The following GRN variants were observed in gnomAD, a reference collection of about 807,000 sequenced individuals.
GRN encodes the protein progranulin.
A neutral mutation model predicts 66.7 loss-of-function variants in GRN; 30 were observed. The observed-to-expected ratio is 0.45, with a 90% confidence interval of 0.34 to 0.61. The LOEUF (loss-of-function observed/expected upper bound fraction) is 0.61, where lower values mean the gene tolerates loss of function less well. GRN is among the 20% of genes least tolerant of loss of function. GRN has a pLI of 0.01. For synonymous variants in GRN, 327 were observed against 311.1 expected (o/e 1.05, Z -0.54); for missense variants, 731 against 803.5 (o/e 0.91, Z 1.09).
Position 44,350,534 on chromosome 17 carries a change from C to A in GRN, c.555C>A (p.His185Gln). 6.2e-7 allele frequency: 1 copy of A among 1,613,886 alleles called. No homozygotes were observed. Among genetic ancestry groups the A allele is most frequent in the Non-Finnish European group, 8.5e-7 (1 of 1,179,936 alleles). ...HTRCITPTGT[H>Q]PLAKKLPAQR... ...GCTGCATCACACCCACGGGCACCCACCCCCTGGCAAAGAAGCTCCCTGCCC... is the reference window on the plus strand; with the variant it reads ...GCTGCATCACACCCACGGGCACCCAACCCCTGGCAAAGAAGCTCCCTGCCC... Residue 185 changes from histidine to glutamine, a missense_variant, in exon 6 of 13, where the codon CAC becomes CAA. By Grantham distance (24) the His-to-Gln change is conservative. Coordinates refer to ENST00000053867, the MANE Select transcript of GRN (RefSeq NM_002087.4).
Position 44,349,328 on chromosome 17 carries a change from A to C in GRN, c.138+26A>C, listed in dbSNP as rs756084488. The C allele has an allele frequency of 1.9e-6, 3 of 1,613,860 alleles. No individual in the cohort carries two copies. The African/African-American group carries it at 4.0e-5, about 22-fold the overall frequency. On this transcript the variant is annotated intron_variant, in intron 2 of 12. Transcript: ENST00000053867. ...GTGAGTGCCCCTCAGCCTAGGCAAG[A>C]GCTGGCAGCCTGGGTTTTCCCAAAG...
At chr17:44,349,588 C>G (rs377039586) in intron 3 of GRN, 37 bp downstream of exon 3, 167 of 1,613,612 alleles carry the variant, frequency 1.0e-4, no homozygotes, top group Non-Finnish European at 1.3e-4. Context: ...GGGCTTAGGT[C>G]TGCATTTATG....
chr17:44,347,742 A>G (rs2048335975), intron 1 of GRN, among the ~76,000 whole-genome samples: 1 of 150,810 alleles, frequency 6.6e-6, no homozygotes, highest in Non-Finnish European at 1.5e-5. Context: ...AGCTGAGGTC[A>G]GGAGTTCAAG....
At chr17:44,348,424 T>C (rs1160406607) in intron 1 of GRN, among the ~76,000 whole-genome samples, 1 of 152,196 alleles carries the variant, frequency 6.6e-6, no homozygotes, top group Non-Finnish European at 1.5e-5. Context: ...GGGTTTAGCA[T>C]GCTTGAGGAA....
rs528046339 is a variant in GRN, at chr17:44,352,128, C to T, written c.1293C>T (p.Ala431=). The T allele has an allele frequency of 9.3e-6, 15 of 1,613,860 alleles. 1 individual carries two copies. The East Asian group carries it at 3.3e-4, about 36-fold the overall frequency. ...EIVAGLEKMP[A]RRASLSHPRD... ...TGGCTGGACTGGAGAAGATGCCTGC[C>T]CGCCGGGCTTCCTTATCCCACCCCA... The change falls in exon 11 of 13, where the codon GCC becomes GCT. Residue 431 remains alanine, a synonymous_variant. Coordinates refer to ENST00000053867, the MANE Select transcript of GRN (RefSeq NM_002087.4).
intron 1 of GRN, among the ~76,000 whole-genome samples, chr17:44,347,859 G>A (rs1598361793): frequency 6.6e-6 from 1 of 151,350 alleles, no homozygotes; most frequent in South Asian, 2.1e-4. Context: ...GAACTTGGGA[G>A]GCAGAGGTTG....
chr17:44,348,311 C>T (rs1480546857), intron 1 of GRN, among the ~76,000 whole-genome samples: 1 of 152,216 alleles, frequency 6.6e-6, no homozygotes, highest in Non-Finnish European at 1.5e-5. Context: ...ACTCAAGGCT[C>T]AGTTCCTCCT....
chr17:44,351,010 CAA>C, intron 7 of GRN, 25 bp from the exon 8 acceptor site: 1 of 1,611,784 alleles, frequency 6.2e-7, no homozygotes, highest in East Asian at 2.2e-5. Flanking sequence ...CTGGAAGTGA[CAA>C]AGACCCACCC....
chr17:44,352,830 G>A lies in GRN; in HGVS notation c.*32G>A, dbSNP rs1006498105. ...GTACTGAAGACTCTGCAGCCCTCGG[G>A]ACCCCACTCGGAGGGTGCCCTCTGC... On this transcript the variant is annotated 3_prime_UTR_variant, in exon 13 of 13. Coordinates refer to ENST00000053867, the MANE Select transcript of GRN (RefSeq NM_002087.4). The A allele has an allele frequency of 6.2e-7, 1 of 1,604,356 alleles. No homozygotes were observed.
chr17:44,352,760 G>T lies in GRN; in HGVS notation c.1744G>T (p.Ala582Ser). ...GCGCAGGGAGGCCCCGCGCTGGGAC[G>T]CCCCTTTGAGGGACCCAGCCTTGAG... is the stretch of plus-strand genomic sequence containing the variant. ...CLRREAPRWDAPLRDPALRQL... is the reference protein window; with the variant it reads ...CLRREAPRWDSPLRDPALRQL... The change falls in exon 13 of 13, where the codon GCC (alanine) becomes TCC (serine). Residue 582 changes from alanine (A) to serine (S), a missense_variant. By Grantham distance (99) the Ala-to-Ser change is moderately conservative (BLOSUM62 1). Coordinates refer to ENST00000053867, the MANE Select transcript of GRN (RefSeq NM_002087.4). 1 of 1,611,646 alleles carries T rather than the reference G, an allele frequency of 6.2e-7. No homozygotes were observed. The highest frequency in any genetic ancestry group is 8.5e-7 in the Non-Finnish European group (1 of 1,179,910).
Position 44,350,700 on chromosome 17 carries a change from C to G in GRN, c.608C>G (p.Ser203Cys), listed in dbSNP as rs1264012027. Residue 203 changes from serine (S) to cysteine (C), a missense_variant, in exon 7 of 13, where the codon TCC becomes TGC. By Grantham distance (112) the Ser-to-Cys change is moderately radical. Coordinates refer to ENST00000053867, the MANE Select transcript of GRN (RefSeq NM_002087.4). ...AQRTNRAVAL[S>C]SSVMCPDARS... ...TTTGCTCCTCTTCCAGTGGCCTTGT[C>G]CAGCTCGGTCATGTGTCCGGACGCA... is the stretch of plus-strand genomic sequence containing the variant. The G allele has an allele frequency of 6.2e-7, 1 of 1,613,756 alleles. No individual in the cohort carries two copies. Among genetic ancestry groups the G allele is most frequent in the African/African-American group, 1.3e-5 (1 of 74,922 alleles).
intron 1 of GRN, among the ~76,000 whole-genome samples, chr17:44,347,902 C>T (rs1375433205): frequency 2.1e-5 from 3 of 140,420 alleles, no homozygotes; most frequent in African/African-American, 8.0e-5. Flanking sequence ...TGAACTCGAG[C>T]ATGGGCAACA....
intron 8 of GRN, 25 bp downstream of exon 8, chr17:44,351,188 A>G (rs1475694164): frequency 2.5e-6 from 4 of 1,613,852 alleles, no homozygotes; most frequent in Admixed American, 1.7e-5. Flanking sequence ...GTGCAGATAC[A>G]GGGGTGGGGC....
At position 44,349,681 on chromosome 17, in the gene GRN, G is replaced by A. The variant is rs63751088; in HGVS notation, c.279G>A (p.Gly93=). 229 of 1,611,856 alleles carry A rather than the reference G, an allele frequency of 1.4e-4. No homozygotes were observed. The highest frequency in any genetic ancestry group is 1.8e-4 in the Non-Finnish European group (215 of 1,178,112). Residue 93 remains glycine, a synonymous_variant, in exon 4 of 13, where the codon GGG becomes GGA. Transcript: ENST00000053867. ...GTGTTCCACAGGCCGTGGCATGCGG[G>A]GATGGCCATCACTGCTGCCCACGGG... ...CCPFPEAVAC[G]DGHHCCPRGF...
At position 44,351,042 on chromosome 17, in the gene GRN, C is replaced by T. The variant is rs377103616; in HGVS notation, c.714C>T (p.Thr238=). 7 of 1,613,820 alleles carry T rather than the reference C, an allele frequency of 4.3e-6. No homozygotes were observed. Among genetic ancestry groups the T allele is most frequent in the South Asian group, 1.1e-5 (1 of 91,088 alleles). The change falls in exon 8 of 13, where the codon ACC becomes ACT. Residue 238 remains threonine, a synonymous_variant. Coordinates refer to ENST00000053867, the MANE Select transcript of GRN (RefSeq NM_002087.4). ...CCACCCCTGTCCCCACTCAGGCCAC[C>T]TGCTGCTCCGATCACCTGCACTGCT... ...KYGCCPMPNA[T]CCSDHLHCCP... is the part of the protein sequence containing the mutation.
intron 1 of GRN, 47 bp from the exon 2 acceptor site, chr17:44,349,111 G>T: frequency 6.2e-7 from 1 of 1,607,152 alleles, no homozygotes. Context: ...AGAATCAAGG[G>T]TGGCGTGGGC....
chr17:44,350,474 T>C lies in GRN; in HGVS notation c.495T>C (p.Cys165=), dbSNP rs987472756. The C allele has an allele frequency of 6.2e-7, 1 of 1,613,770 alleles. No individual in the cohort carries two copies. The highest frequency in any genetic ancestry group is 1.7e-5 in the Admixed American group (1 of 59,988). Residue 165 remains cysteine, a synonymous_variant, in exon 6 of 13, where the codon TGT becomes TGC. Coordinates refer to ENST00000053867, the MANE Select transcript of GRN (RefSeq NM_002087.4). ...ASCCEDRVHC[C]PHGAFCDLVH... ...GCTGTGAAGACAGGGTGCACTGCTG[T>C]CCGCACGGTGCCTTCTGCGACCTGG...
chr17:44,352,376 G>T lies in GRN; in HGVS notation c.1449G>T (p.Pro483=). 2 of 1,613,734 alleles carry T rather than the reference G, an allele frequency of 1.2e-6. No individual in the cohort carries two copies. The highest frequency in any genetic ancestry group is 1.7e-6 in the Non-Finnish European group (2 of 1,179,998). Residue 483 remains proline, a synonymous_variant, in exon 12 of 13, where the codon CCG becomes CCT. Transcript: ENST00000053867. ...VCCEDRQHCC[P]AGYTCNVKAR... is the part of the protein sequence containing the mutation. ...GCGAGGATCGCCAGCACTGCTGCCC[G>T]GCTGGCTACACCTGCAACGTGAAGG...
chr17:44,348,462 A>G (rs2045133374), intron 1 of GRN, among the ~76,000 whole-genome samples: 2 of 152,078 alleles, frequency 1.3e-5, no homozygotes, highest in South Asian at 2.1e-4. Context: ...GGTGTGGGGG[A>G]CCCTCAGAAC....
Sources: gnomAD v4.1 joint callset for allele counts (sites outside exome capture counted in the v4.1 genomes callset) on GRCh38, gnomAD v4.1.1 for gene constraint, MANE v1.5 for transcripts, NCBI Gene and HGNC (gene_info 2026-07-23, HGNC 2026-07-21) for gene names.